Variants in PCDH15 observed in about 807,000 individuals in gnomAD.
PCDH15 encodes the protein protocadherin related 15.
In PCDH15, 129 loss-of-function variants were observed where a neutral mutation model predicts 178.5. The ratio of observed to expected loss-of-function variants is 0.72; its 90% CI spans 0.63 to 0.84. The LOEUF is 0.84. PCDH15 is among the 40% of genes least tolerant of loss of function. The probability of loss-of-function intolerance (pLI) is 0.00; values close to 1 mark genes in which losing one functional copy is unlikely to be tolerated. For missense variants in PCDH15, 2,230 were observed against 2,099.9 expected (o/e 1.06, Z -1.21); for synonymous variants, 800 against 732.0 (o/e 1.09, Z -1.50).
chr10:55,557,503 A>G (rs537364656), intron 2 of PCDH15, among the ~76,000 whole-genome samples: 3 of 152,264 alleles, frequency 2.0e-5, no homozygotes, highest in African/African-American at 7.2e-5. Flanking sequence ...ATCATGCAGA[A>G]GTAGAATCAG....
intron 2 of PCDH15, among the ~76,000 whole-genome samples, chr10:54,624,396 C>T (rs2093478396): frequency 6.6e-6 from 1 of 152,046 alleles, no homozygotes; most frequent in African/African-American, 2.4e-5. Context: ...TTACCTGATC[C>T]CAAGTTATGA....
intron 2 of PCDH15, among the ~76,000 whole-genome samples, chr10:54,650,159 A>G (rs2094223357): frequency 1.3e-5 from 2 of 152,204 alleles, no homozygotes; most frequent in Admixed American, 1.3e-4. Context: ...ATAAATTAGT[A>G]TCAGTAATAA....
rs80179917 is a variant in PCDH15, at chr10:54,385,355, A to T, written c.158-6413T>A. Among the ~76,000 whole-genome samples, 55 of 152,272 alleles carry T rather than the reference A, an allele frequency of 3.6e-4. No homozygotes were observed. The East Asian group carries it at 9.3e-3, about 26-fold the overall frequency. On this transcript the variant is annotated intron_variant, in intron 3 of 37. Transcript: ENST00000644397. ...CAGATGGATGTTATGACAATACTAAATGTGAATTAGAACTATGTTACAGAA... is the reference window on the plus strand; with the variant it reads ...CAGATGGATGTTATGACAATACTAATTGTGAATTAGAACTATGTTACAGAA...
At position 53,866,690 on chromosome 10, in the gene PCDH15, A is replaced by G. The variant is rs767431595; in HGVS notation, c.3669T>C (p.Ile1223=). The part of the protein sequence containing the change: ...MRRSYFKFQV[I]ATDDYGKGLS... ...GTCCCTTCCCATAGTCGTCAGTTGC[A>G]ATAACTTGAAACTTGAAGTAGGATC... Residue 1223 remains isoleucine (I), a synonymous_variant, in exon 27 of 38, where the codon ATT becomes ATC. Coordinates refer to ENST00000644397, the MANE Select transcript of PCDH15 (RefSeq NM_001384140.1). The G allele has an allele frequency of 1.9e-6, 3 of 1,613,650 alleles. No homozygotes were observed. Among genetic ancestry groups the G allele is most frequent in the South Asian group, 2.2e-5 (2 of 91,080 alleles).
chr10:54,615,603 A>G (rs564869395), intron 2 of PCDH15, among the ~76,000 whole-genome samples: 19 of 152,078 alleles, frequency 1.2e-4, no homozygotes, highest in Non-Finnish European at 1.6e-4. Flanking sequence ...ACACGGAGAC[A>G]AATAAGACAC....
chr10:54,035,997 C>T (rs1222921381), intron 18 of PCDH15, among the ~76,000 whole-genome samples: 1 of 151,844 alleles, frequency 6.6e-6, no homozygotes, highest in Non-Finnish European at 1.5e-5. Context: ...TAAGCCAAAG[C>T]CTAATCTGGA....
At chr10:54,424,645 G>A (rs955648714) in intron 3 of PCDH15, among the ~76,000 whole-genome samples, 2 of 152,068 alleles carry the variant, frequency 1.3e-5, no homozygotes, top group Non-Finnish European at 2.9e-5. Context: ...TTAAGAAACT[G>A]TGGCATATAT....
At chr10:53,818,192 G>T (rs2076133385) in intron 33 of PCDH15, 179 bp from the exon 34 acceptor site, 1 of 380,780 alleles carries the variant, frequency 2.6e-6, no homozygotes, top group Non-Finnish European at 4.6e-6. Context: ...GAAGATCATG[G>T]TTTCACACCT....
At chr10:54,485,819 C>A (rs1246737562) in intron 3 of PCDH15, among the ~76,000 whole-genome samples, 2 of 152,020 alleles carry the variant, frequency 1.3e-5, no homozygotes, top group Non-Finnish European at 2.9e-5. Flanking sequence ...ATCCATAAAT[C>A]TGGCAAAATA....
intron 37 of PCDH15, chr10:53,808,550 T>C: frequency 6.9e-7 from 1 of 1,440,918 alleles, no homozygotes; most frequent in South Asian, 1.5e-5. Context: ...TATATTCACT[T>C]TTCTGGCATG....
At chr10:53,969,842 A>G (rs2089482763) in intron 21 of PCDH15, among the ~76,000 whole-genome samples, 1 of 152,230 alleles carries the variant, frequency 6.6e-6, no homozygotes, top group Non-Finnish European at 1.5e-5. Context: ...ATGCCTTACA[A>G]GAGCTCCTAA....
chr10:54,746,805 G>A (rs940066753), intron 1 of PCDH15, among the ~76,000 whole-genome samples: 1 of 152,042 alleles, frequency 6.6e-6, no homozygotes, highest in African/African-American at 2.4e-5. Flanking sequence ...ATCAGCAAAG[G>A]GAAAAGGCTT....
intron 3 of PCDH15, among the ~76,000 whole-genome samples, chr10:54,839,687 A>G (rs996933095): frequency 6.6e-6 from 1 of 152,170 alleles, no homozygotes; most frequent in African/African-American, 2.4e-5. Context: ...GATAAACCCA[A>G]GAAAGATCAT....
intron 14 of PCDH15, among the ~76,000 whole-genome samples, chr10:54,137,803 AT>A (rs1188920597): frequency 6.6e-6 from 1 of 152,166 alleles, no homozygotes; most frequent in African/African-American, 2.4e-5. Context: ...GGCTTTTTGT[AT>A]GACCAGCTGC....
Position 54,574,595 on chromosome 10 carries a change from A to C in PCDH15, c.92-46718T>G, listed in dbSNP as rs1443185920. Among the ~76,000 whole-genome samples the C allele has an allele frequency of 3.5e-5, 5 of 141,446 alleles. No homozygotes were observed. The Admixed American group carries it at 3.6e-4, about 10-fold the overall frequency. 92.8% of individuals were successfully genotyped at this position (141,446 alleles called of 152,430 possible). A position where few individuals can be genotyped will look rare whatever the true frequency, so the allele number is the denominator to read the frequency against. Reference sequence around the variant, plus strand: ...CAGAGAAATGCAAATCAAAACCACAATGAGATACCATCTCACACCATTTAG... The same window carrying C: ...CAGAGAAATGCAAATCAAAACCACACTGAGATACCATCTCACACCATTTAG... On this transcript the variant is annotated intron_variant, in intron 2 of 37. Coordinates refer to ENST00000644397, the MANE Select transcript of PCDH15 (RefSeq NM_001384140.1).
At position 55,037,285 on chromosome 10, in the gene PCDH15, G is replaced by A. The variant is rs553469226; in HGVS notation, c.-80+129291C>T. 2.0e-5 allele frequency among the ~76,000 whole-genome samples: 3 copies of A among 152,114 alleles called. No individual in the cohort carries two copies. The South Asian group carries it at 6.2e-4, about 32-fold the overall frequency. On this transcript the variant is annotated intron_variant, in intron 2 of 5. Coordinates refer to the PCDH15 transcript ENST00000458638. ...GTCTCGCTCTGTTGCCCAGGCTGGA[G>A]TGCAGTGGCGTGATCTCGGCTCACT...
intron 6 of PCDH15, among the ~76,000 whole-genome samples, chr10:54,330,026 G>T (rs1333967785): frequency 6.6e-6 from 1 of 151,814 alleles, no homozygotes; most frequent in Non-Finnish European, 1.5e-5. Flanking sequence ...AAACTTCCCT[G>T]TTACCACATT....
intron 26 of PCDH15, among the ~76,000 whole-genome samples, chr10:53,879,863 G>GCA (rs1487720627): frequency 6.6e-6 from 1 of 152,116 alleles, no homozygotes; most frequent in Non-Finnish European, 1.5e-5. Flanking sequence ...TGTTGGCCAG[G>GCA]CTGGTCTTTA....
At chr10:54,714,780 A>G (rs1473058505) in intron 1 of PCDH15, among the ~76,000 whole-genome samples, 2 of 152,138 alleles carry the variant, frequency 1.3e-5, no homozygotes, top group Non-Finnish European at 2.9e-5. Context: ...TTTTATTCCC[A>G]AACTATAACC....
Sources: gnomAD v4.1 joint callset for allele counts (sites outside exome capture counted in the v4.1 genomes callset) on GRCh38, gnomAD v4.1.1 for gene constraint, MANE v1.5 for transcripts, NCBI Gene and HGNC (gene_info 2026-07-23, HGNC 2026-07-21) for gene names.